Variants in FOXP3 observed in about 807,000 individuals in gnomAD.
The protein encoded by FOXP3 is forkhead box protein P3.
Under a neutral mutation model 31.2 loss-of-function variants are expected in FOXP3, and 5 were observed. That is an observed-to-expected ratio of 0.16 (90% CI 0.08 to 0.34). The LOEUF is 0.34. FOXP3 is among the 10% of genes least tolerant of loss of function. The pLI, the probability that FOXP3 is intolerant of heterozygous loss-of-function variation, is 1.00. For missense variants in FOXP3, 251 were observed against 363.0 expected, an observed-to-expected ratio of 0.69 and a Z score of 2.51; for synonymous variants, 141 against 148.8, an observed-to-expected ratio of 0.95 and a Z score of 0.38.
intron 1 of FOXP3, among the ~76,000 whole-genome samples, chrX:49,262,106 T>C (rs188415398): frequency 2.1e-4 from 23 of 111,818 alleles, no homozygotes; most frequent in Non-Finnish European, 3.4e-4. Context: ...GTGAGAGACA[T>C]TGAGAGAAAT....
intron 8 of FOXP3, 74 bp downstream of exon 8, chrX:49,255,355 C>T (rs906051778): frequency 4.2e-5 from 43 of 1,015,128 alleles, no homozygotes; most frequent in Non-Finnish European, 5.9e-5. Context: ...AGGTTAGGTT[C>T]CCTGCACCGT....
chrX:49,254,173 C>T, intron 8 of FOXP3, 106 bp from the exon 9 acceptor site: 1 of 980,478 alleles, frequency 1.0e-6, no homozygotes, highest in East Asian at 3.4e-5. Flanking sequence ...GCTCTGTCGC[C>T]CAGGCTGGAG....
chrX:49,256,250 GAGAGAGAGAGAGAGAGAGAGAGAGAC>G, intron 6 of FOXP3, among the ~76,000 whole-genome samples: 1 of 54,266 alleles, frequency 1.8e-5, no homozygotes, highest in Non-Finnish European at 5.3e-5. Context: ...GAGAGAGAGA[GAGAGAGAGAGAGAGAGAGAGAGAGAC>G]ATATGGGGGG....
chrX:49,261,552 C>T (rs2147951707), intron 1 of FOXP3, among the ~76,000 whole-genome samples: 1 of 112,562 alleles, frequency 8.9e-6, no homozygotes, highest in South Asian at 3.6e-4. Context: ...GACACACAGC[C>T]TGACTGACTG....
rs782063296 is a variant in FOXP3, at chrX:49,254,038, G to A, written c.846C>T (p.Ile282=). The A allele has an allele frequency of 2.6e-5, 31 of 1,206,421 alleles. No homozygotes were observed. Among genetic ancestry groups the A allele is most frequent in the East Asian group, 5.9e-5 (2 of 33,618 alleles). The change falls in exon 9 of 12, where the codon ATC becomes ATT. Residue 282 remains isoleucine (I), a synonymous_variant. Coordinates refer to ENST00000376207, the MANE Select transcript of FOXP3 (RefSeq NM_014009.4). ...CAGGGCCTTGGCTGCCAGCAGCTACGATGCAGCAGGAGCCCTTGTCGGATG... is the reference window on the plus strand; with the variant it reads ...CAGGGCCTTGGCTGCCAGCAGCTACAATGCAGCAGGAGCCCTTGTCGGATG... The part of the protein sequence containing the change: ...VASSDKGSCC[I]VAAGSQGPVV...
In FOXP3 at chrX:49,251,162, G is replaced by A. The variant is rs56066773; in HGVS notation, c.*172C>T. 18,747 of 617,385 alleles carry A rather than the reference G, an allele frequency of 0.03. 271 individuals carry two copies. The highest frequency in any genetic ancestry group is 0.039 in the Non-Finnish European group (15,680 of 399,273). 50.9% of individuals were successfully genotyped at this position (617,385 alleles called of 1,213,427 possible). On this transcript the variant is annotated 3_prime_UTR_variant, in exon 12 of 12. Transcript: ENST00000376207. Reference sequence around the variant, plus strand: ...AGCCTTGGGGCAAAGGATATGATGGGGGAGGGGGTGGCTGCCAGCGGGGGA... The same window carrying A: ...AGCCTTGGGGCAAAGGATATGATGGAGGAGGGGGTGGCTGCCAGCGGGGGA...
intron 1 of FOXP3, among the ~76,000 whole-genome samples, chrX:49,259,430 G>A (rs911171284): frequency 5.5e-5 from 6 of 109,959 alleles, no homozygotes; most frequent in African/African-American, 1.7e-4. Flanking sequence ...GAGGAGAGAT[G>A]GGGTCTCTTG....
chrX:49,258,640 T>C (rs1337473173), intron 1 of FOXP3, 113 bp from the exon 2 acceptor site: 2 of 595,566 alleles, frequency 3.4e-6, no homozygotes, highest in African/African-American at 2.3e-5. Flanking sequence ...GGCTGGGACA[T>C]GTCCCGAGGG....
intron 1 of FOXP3, among the ~76,000 whole-genome samples, 180 bp from the exon 2 acceptor site, chrX:49,258,707 A>C (rs981703143): frequency 1.0e-5 from 1 of 99,859 alleles, no homozygotes; most frequent in African/African-American, 3.6e-5. Context: ...ACACACACAC[A>C]CCAAGAACAC....
At chrX:49,259,986 G>A (rs1569529835) in intron 1 of FOXP3, among the ~76,000 whole-genome samples, 1 of 111,245 alleles carries the variant, frequency 9.0e-6, no homozygotes, top group Non-Finnish European at 1.9e-5. Context: ...TCCTTTCTTT[G>A]CTGTCACCTC....
rs782371089 is a variant in FOXP3 at position 49,254,011 on chromosome X, G to A, written c.873C>T (p.Val291=). 38 of 1,207,601 alleles carry A rather than the reference G, an allele frequency of 3.1e-5. No individual in the cohort carries two copies. The South Asian group carries it at 6.4e-4, about 20-fold the overall frequency. The change falls in exon 9 of 12, where the codon GTC becomes GTT. Residue 291 remains valine, a synonymous_variant. Coordinates refer to ENST00000376207, the MANE Select transcript of FOXP3 (RefSeq NM_014009.4). ...CCCGGGGGCCAGACCAGGCTGGGAC[G>A]ACAGGGCCTTGGCTGCCAGCAGCTA... is the stretch of plus-strand genomic sequence containing the variant. ...CIVAAGSQGP[V]VPAWSGPREA...
At chrX:49,260,461 T>C (rs782616401) in intron 1 of FOXP3, among the ~76,000 whole-genome samples, 1 of 112,743 alleles carries the variant, frequency 8.9e-6, no homozygotes, top group East Asian at 2.8e-4. Context: ...GCCTGGCCCA[T>C]GTGGCTGGCC....
chrX:49,263,316 G>A (rs1438213897), intron 1 of FOXP3, among the ~76,000 whole-genome samples: 3 of 112,045 alleles, frequency 2.7e-5, no homozygotes, highest in Non-Finnish European at 5.6e-5. Flanking sequence ...CCTAGGGTTA[G>A]CTTAAGTAGA....
chrX:49,261,660 C>A (rs782208890), intron 1 of FOXP3, among the ~76,000 whole-genome samples: 4 of 112,468 alleles, frequency 3.6e-5, no homozygotes, highest in South Asian at 3.7e-4. Flanking sequence ...CTGGGCCCCA[C>A]ACTGTGATCG....
intron 10 of FOXP3, among the ~76,000 whole-genome samples, chrX:49,252,861 G>T (rs1470131707): frequency 9.1e-6 from 1 of 110,264 alleles, no homozygotes; most frequent in African/African-American, 3.3e-5. Flanking sequence ...GGCTGAGGTG[G>T]ACATCTGGAA....
intron 8 of FOXP3, among the ~76,000 whole-genome samples, chrX:49,254,694 C>T (rs2066056893): frequency 9.0e-6 from 1 of 111,571 alleles, no homozygotes; most frequent in Admixed American, 9.5e-5. Context: ...AAATAAATTA[C>T]CACCAGCAAA....
At position 49,254,072 on chromosome X, in the gene FOXP3, G is replaced by A. The variant is rs1602682433; in HGVS notation, c.817-5C>T. On this transcript the variant is annotated splice_region_variant and splice_polypyrimidine_tract_variant and intron_variant, in intron 8 of 11. Coordinates refer to ENST00000376207, the MANE Select transcript of FOXP3 (RefSeq NM_014009.4). ...GGAGCCCTTGTCGGATGATGCCTGG[G>A]TGAGGGGGAGAGGCTGGTGACCCAG... The A allele has an allele frequency of 8.3e-7, 1 of 1,207,463 alleles. No individual in the cohort carries two copies.
At chrX:49,255,899 C>T in intron 6 of FOXP3, 97 bp from the exon 7 acceptor site, 2 of 733,380 alleles carry the variant, frequency 2.7e-6, no homozygotes, top group Non-Finnish European at 4.2e-6. Context: ...GGAGTTCTCT[C>T]CTCTGAGCCC....
At position 49,254,060 on chromosome X, in the gene FOXP3, G is replaced by A. The variant is rs1395972442; in HGVS notation, c.824C>T (p.Ser275Phe). ...TACGATGCAGCAGGAGCCCTTGTCG[G>A]ATGATGCCTGGGTGAGGGGGAGAGG... ...ALTKASSVAS[S>F]DKGSCCIVAA... The change falls in exon 9 of 12, where the codon TCC becomes TTC. Residue 275 changes from serine (S) to phenylalanine (F), a missense_variant. Physicochemically the swap from Ser to Phe is radical, Grantham distance 155 (BLOSUM62 -2). Transcript: ENST00000376207. The A allele has an allele frequency of 4.1e-6, 5 of 1,206,630 alleles. No individual in the cohort carries two copies. The African/African-American group carries it at 8.7e-5, about 21-fold the overall frequency.
Sources: allele counts gnomAD v4.1 joint callset (sites outside exome capture counted in the v4.1 genomes callset), GRCh38; gene constraint gnomAD v4.1.1; transcripts MANE v1.5; gene names NCBI Gene and HGNC (gene_info 2026-07-23, HGNC 2026-07-21).